The following ADGB variants were observed in gnomAD, a reference collection of about 807,000 sequenced individuals.
ADGB encodes the protein androglobin.
A neutral mutation model predicts 210.5 loss-of-function variants in ADGB; 172 were observed. The observed-to-expected ratio is 0.82, with a 90% CI of 0.72 to 0.93. ADGB has a LOEUF of 0.93. Ranked by LOEUF, ADGB falls within the 40% of genes least tolerant of loss-of-function variation. ADGB has a pLI of 0.00. For missense variants in ADGB, 2,025 were observed against 1,964.8 expected, an observed-to-expected ratio of 1.03 and a Z score of -0.58; for synonymous variants, 658 against 662.7, an observed-to-expected ratio of 0.99 and a Z score of 0.11.
intron 9 of ADGB, among the ~76,000 whole-genome samples, chr6:146,677,286 C>T (rs571598198): frequency 2.0e-5 from 3 of 152,210 alleles, no homozygotes; most frequent in Admixed American, 6.5e-5. Context: ...AGCTTTGGCT[C>T]ATCTATCTTG....
intron 1 of ADGB, among the ~76,000 whole-genome samples, chr6:146,623,221 G>T (rs1219829525): frequency 1.3e-5 from 2 of 151,992 alleles, no homozygotes; most frequent in Admixed American, 1.3e-4. Flanking sequence ...TATTAAAAAA[G>T]CCTGCTGGGA....
chr6:146,643,449 C>T (rs763008947), intron 2 of ADGB, among the ~76,000 whole-genome samples: 2 of 151,764 alleles, frequency 1.3e-5, no homozygotes, highest in Admixed American at 1.3e-4. Flanking sequence ...TCAGGCATTT[C>T]GTTTATAACC....
Position 146,637,516 on chromosome 6 carries a change from T to C in ADGB, c.237+1979T>C, listed in dbSNP as rs1289144303. Among the ~76,000 whole-genome samples the C allele has an allele frequency of 2.6e-5, 4 of 151,838 alleles. No homozygotes were observed. In the East Asian group the frequency reaches 7.7e-4, roughly 29 times the overall value. Reference sequence around the variant, plus strand: ...GATTTAATGGTACTTTGGAGAGAAATTTAGGAACATCAAGGTAAAGGGACC... The same window carrying C: ...GATTTAATGGTACTTTGGAGAGAAACTTAGGAACATCAAGGTAAAGGGACC... On this transcript the variant is annotated intron_variant, in intron 2 of 35. Transcript: ENST00000397944.
intron 7 of ADGB, among the ~76,000 whole-genome samples, chr6:146,669,909 A>G (rs2226067): frequency 0.8 from 121,539 of 152,018 alleles, 48,812 homozygotes; most frequent in African/African-American, 0.87. Context: ...AAACTGCACC[A>G]TCCCTAGAAT....
chr6:146,724,043 TA>T (rs1776859602), intron 17 of ADGB, 142 bp from the exon 18 acceptor site: 9 of 679,178 alleles, frequency 1.3e-5, no homozygotes, highest in Non-Finnish European at 1.4e-5. Context: ...GAGTAATTTC[TA>T]ATGTTTTATG....
At chr6:146,662,943 G>T (rs924853991) in intron 5 of ADGB, among the ~76,000 whole-genome samples, 2 of 144,252 alleles carry the variant, frequency 1.4e-5, no homozygotes, top group African/African-American at 5.1e-5. Flanking sequence ...ACTTAATAAT[G>T]TTATATATTA....
At chr6:146,783,657 C>A (rs975052697) in intron 30 of ADGB, among the ~76,000 whole-genome samples, 15 of 152,100 alleles carry the variant, frequency 9.9e-5, no homozygotes, top group Non-Finnish European at 2.9e-5. Flanking sequence ...ACACTAAAAC[C>A]AAACTGCAGG....
At chr6:146,812,480 G>A (rs1479063639) in intron 35 of ADGB, among the ~76,000 whole-genome samples, 1 of 152,240 alleles carries the variant, frequency 6.6e-6, no homozygotes, top group East Asian at 1.9e-4. Context: ...GAAAAGGCAG[G>A]TAGGTGGTGA....
chr6:146,703,421 T>A (rs1444556281), intron 13 of ADGB, among the ~76,000 whole-genome samples: 1 of 151,830 alleles, frequency 6.6e-6, no homozygotes. Flanking sequence ...TTTTCAAGAA[T>A]ACATTAACTA....
chr6:146,763,381 C>A (rs1385657682), intron 27 of ADGB, among the ~76,000 whole-genome samples: 1 of 152,044 alleles, frequency 6.6e-6, no homozygotes, highest in East Asian at 1.9e-4. Flanking sequence ...TAATAACATT[C>A]AACATATTTC....
chr6:146,807,992 G>GTTT lies in ADGB; in HGVS notation c.4818+6001_4818+6003dup, dbSNP rs369961809. The stretch of plus-strand genomic sequence containing the variant: ...TAAAAATACTAATAACTATGCTTCA[G>GTTT]TTTTTTTTTTTTTTTTTTTTTTCTG... On this transcript the variant is annotated intron_variant, in intron 35 of 35. Coordinates refer to ENST00000397944, the MANE Select transcript of ADGB (RefSeq NM_024694.4). Among the ~76,000 whole-genome samples, 335 of 103,114 alleles carry GTTT rather than the reference G, an allele frequency of 3.2e-3. 22 individuals are homozygous for GTTT. Among genetic ancestry groups the GTTT allele is most frequent in the African/African-American group, 4.6e-3 (122 of 26,442 alleles). 67.6% of individuals were successfully genotyped at this position (103,114 alleles called of 152,430 possible). A position where few individuals can be genotyped will look rare whatever the true frequency, so the allele number is the denominator to read the frequency against.
chr6:146,691,473 T>A (rs1400462563), intron 11 of ADGB, among the ~76,000 whole-genome samples, 183 bp downstream of exon 11: 5 of 50,186 alleles, frequency 1.0e-4, no homozygotes, highest in African/African-American at 4.6e-4. Context: ...TATATATATA[T>A]ATAAATATAT....
intron 15 of ADGB, 84 bp downstream of exon 15, chr6:146,717,153 T>A (rs1776747715): frequency 8.5e-7 from 1 of 1,175,088 alleles, no homozygotes; most frequent in African/African-American, 1.6e-5. Context: ...ACATTAAGAT[T>A]TATTTTTGCA....
At chr6:146,781,492 G>C (rs1777799912) in intron 29 of ADGB, among the ~76,000 whole-genome samples, 1 of 150,648 alleles carries the variant, frequency 6.6e-6, no homozygotes, top group South Asian at 2.1e-4. Context: ...AACCGAGGAT[G>C]CAGTAAAAGT....
chr6:146,694,364 C>T (rs1424727743), intron 12 of ADGB, among the ~76,000 whole-genome samples: 1 of 152,138 alleles, frequency 6.6e-6, no homozygotes, highest in Non-Finnish European at 1.5e-5. Flanking sequence ...CATCTTACCA[C>T]TGTGTACTCA....
At chr6:146,612,898 C>A (rs1284153592) in intron 1 of ADGB, among the ~76,000 whole-genome samples, 1 of 152,158 alleles carries the variant, frequency 6.6e-6, no homozygotes, top group Non-Finnish European at 1.5e-5. Context: ...CACTTTTCTA[C>A]TTCTAACCCT....
intron 1 of ADGB, among the ~76,000 whole-genome samples, chr6:146,630,017 A>C (rs891395241): frequency 6.6e-6 from 1 of 152,154 alleles, no homozygotes; most frequent in African/African-American, 2.4e-5. Context: ...CAGGTGGATT[A>C]TCTGAGGTCA....
chr6:146,766,139 G>T (rs866447844), intron 28 of ADGB, among the ~76,000 whole-genome samples: 1 of 152,036 alleles, frequency 6.6e-6, no homozygotes, highest in African/African-American at 2.4e-5. Context: ...GGGTGAGGGG[G>T]GCGGTGAGCG....
At chr6:146,803,418 A>G in intron 35 of ADGB, 7 of 1,608,396 alleles carry the variant, frequency 4.4e-6, no homozygotes, top group Non-Finnish European at 6.0e-6. Flanking sequence ...TTTATTTGCC[A>G]TGTCACAGCC....
Sources: allele counts gnomAD v4.1 joint callset (sites outside exome capture counted in the v4.1 genomes callset), GRCh38; gene constraint gnomAD v4.1.1; transcripts MANE v1.5; gene names NCBI Gene and HGNC (gene_info 2026-07-23, HGNC 2026-07-21).